The following SMURF2 variants were observed in gnomAD, a reference collection of about 807,000 sequenced individuals.
SMURF2 encodes SMAD specific E3 ubiquitin protein ligase 2.
In SMURF2, 48 loss-of-function variants were observed where a neutral mutation model predicts 109.6. The ratio of observed to expected loss-of-function variants is 0.44; its 90% CI spans 0.35 to 0.56. SMURF2 has a LOEUF of 0.56. SMURF2 is among the 20% of genes least tolerant of loss of function. The probability of loss-of-function intolerance (pLI) is 0.01; values close to 1 mark genes in which losing one functional copy is unlikely to be tolerated. For synonymous variants in SMURF2, 288 were observed against 317.1 expected, an observed-to-expected ratio of 0.91 and a Z score of 0.97; for missense variants, 575 against 909.0, an observed-to-expected ratio of 0.63 and a Z score of 4.72.
chr17:64,546,210 GAACT>G, intron 18 of SMURF2, 49 bp downstream of exon 18: 4 of 1,547,626 alleles, frequency 2.6e-6, no homozygotes, highest in South Asian at 2.2e-5. Context: ...AATCTGTTTG[GAACT>G]AACACTTATG....
chr17:64,563,048 A>G, intron 10 of SMURF2, 82 bp from the exon 11 acceptor site: 1 of 1,214,606 alleles, frequency 8.2e-7, no homozygotes, highest in Non-Finnish European at 1.1e-6. Flanking sequence ...GCATCATATT[A>G]TAAAGCAAGT....
At chr17:64,643,801 G>T (rs1970521637) in intron 1 of SMURF2, among the ~76,000 whole-genome samples, 1 of 152,232 alleles carries the variant, frequency 6.6e-6, no homozygotes, top group South Asian at 2.1e-4. Flanking sequence ...AGAATTCTCA[G>T]AGGAGATGAT....
At chr17:64,626,943 A>C (rs1014310039) in intron 1 of SMURF2, among the ~76,000 whole-genome samples, 1 of 151,356 alleles carries the variant, frequency 6.6e-6, no homozygotes, top group Non-Finnish European at 1.5e-5. Flanking sequence ...AAAAAAAAAA[A>C]ACAAACAAAA....
intron 1 of SMURF2, among the ~76,000 whole-genome samples, chr17:64,622,299 T>C (rs936761638): frequency 6.6e-6 from 1 of 152,044 alleles, no homozygotes; most frequent in East Asian, 1.9e-4. Context: ...ATCATGAACA[T>C]CTAACATTAA....
At chr17:64,559,053 A>C (rs543038879) in intron 12 of SMURF2, among the ~76,000 whole-genome samples, 1 of 152,342 alleles carries the variant, frequency 6.6e-6, no homozygotes, top group African/African-American at 2.4e-5. Flanking sequence ...TAAAAAAAGA[A>C]GTAACGTCTC....
intron 1 of SMURF2, among the ~76,000 whole-genome samples, chr17:64,650,102 G>A (rs147299645): frequency 4.0e-5 from 6 of 151,642 alleles, no homozygotes; most frequent in African/African-American, 7.3e-5. Flanking sequence ...AACAAAATCC[G>A]TGGTCAAAAA....
chr17:64,639,641 TGTG>T (rs1334996086), intron 1 of SMURF2, among the ~76,000 whole-genome samples: 3 of 152,148 alleles, frequency 2.0e-5, no homozygotes, highest in South Asian at 2.1e-4. Context: ...TATCATAAGA[TGTG>T]GTGTCTAATA....
chr17:64,565,587 T>A (rs1460670818), intron 10 of SMURF2, among the ~76,000 whole-genome samples: 5 of 151,346 alleles, frequency 3.3e-5, no homozygotes, highest in Admixed American at 1.3e-4. Context: ...AAGTAATTAG[T>A]GTTACTGGAA....
At chr17:64,605,552 G>A (rs985637186) in intron 2 of SMURF2, among the ~76,000 whole-genome samples, 3 of 151,186 alleles carry the variant, frequency 2.0e-5, no homozygotes, top group Non-Finnish European at 4.4e-5. Flanking sequence ...GCAAGATCCT[G>A]CCTCTACAAA....
intron 1 of SMURF2, among the ~76,000 whole-genome samples, chr17:64,639,959 A>G (rs1466408869): frequency 6.6e-6 from 1 of 152,248 alleles, no homozygotes; most frequent in East Asian, 1.9e-4. Context: ...AAGTGTACCA[A>G]TATTGGTTCA....
intron 1 of SMURF2, among the ~76,000 whole-genome samples, 199 bp from the exon 2 acceptor site, chr17:64,606,839 T>C (rs960487448): frequency 6.6e-6 from 1 of 152,084 alleles, no homozygotes; most frequent in African/African-American, 2.4e-5. Flanking sequence ...TCACCAGTAA[T>C]AGCTGAGGGC....
In SMURF2 at chr17:64,548,735, G is replaced by A. The variant is rs150645788; in HGVS notation, c.1870-934C>T. 5.5e-4 allele frequency among the ~76,000 whole-genome samples: 84 copies of A among 152,254 alleles called. 1 individual carries two copies. The East Asian group carries it at 0.011, about 20-fold the overall frequency. ...ATTGATATTAAAGCACAAAATACAT[G>A]AGCACATTGATACAGACCTCTGCTA... On this transcript the variant is annotated intron_variant, in intron 16 of 18. Transcript: ENST00000262435.
intron 4 of SMURF2, 156 bp downstream of exon 4, chr17:64,593,283 GT>G (rs1555687825): frequency 2.1e-6 from 1 of 466,280 alleles, no homozygotes; most frequent in Non-Finnish European, 3.1e-6. Flanking sequence ...AAGAAGTTGT[GT>G]TTGAAGCCCT....
intron 1 of SMURF2, among the ~76,000 whole-genome samples, chr17:64,619,736 T>C (rs1207803484): frequency 6.6e-6 from 1 of 152,032 alleles, no homozygotes; most frequent in Non-Finnish European, 1.5e-5. Context: ...TCTCCTGTTA[T>C]AGGGGCACTA....
chr17:64,662,031 G>T lies in SMURF2; in HGVS notation c.-151C>A. On this transcript the variant is annotated 5_prime_UTR_variant, in exon 1 of 19. Transcript: ENST00000262435. Reference sequence around the variant, plus strand: ...GGTCCCGGATGTGCCGAGAGTCGTCGCCATGAGCCGCGGAGGGAGCGGGAC... The same window carrying T: ...GGTCCCGGATGTGCCGAGAGTCGTCTCCATGAGCCGCGGAGGGAGCGGGAC... The T allele has an allele frequency of 1.8e-6, 2 of 1,115,334 alleles. No individual in the cohort carries two copies. Among genetic ancestry groups the T allele is most frequent in the Non-Finnish European group, 2.2e-6 (2 of 913,644 alleles). The allele number at this position is 1,115,334 out of a possible 1,614,324, so 69.1% of individuals were successfully genotyped here.
chr17:64,624,801 G>T (rs538423268), intron 1 of SMURF2, among the ~76,000 whole-genome samples: 4 of 152,040 alleles, frequency 2.6e-5, no homozygotes, highest in Non-Finnish European at 5.9e-5. Context: ...ACTCCAGCCT[G>T]GGCAACAGAG....
chr17:64,609,735 A>C (rs1970018146), intron 1 of SMURF2, among the ~76,000 whole-genome samples: 1 of 151,998 alleles, frequency 6.6e-6, no homozygotes, highest in Non-Finnish European at 1.5e-5. Context: ...TGACTAAAAC[A>C]CCAAACGCAA....
At chr17:64,648,085 A>AAAAC (rs1568210023) in intron 1 of SMURF2, among the ~76,000 whole-genome samples, 16 of 138,970 alleles carry the variant, frequency 1.2e-4, no homozygotes, top group East Asian at 2.1e-4. Context: ...AAAAAAAAAA[A>AAAAC]AAAAAAACAG....
At chr17:64,653,727 T>A (rs756953687) in intron 1 of SMURF2, among the ~76,000 whole-genome samples, 1 of 152,102 alleles carries the variant, frequency 6.6e-6, no homozygotes, top group Non-Finnish European at 1.5e-5. Context: ...ATGCATACTT[T>A]CTGTATGATG....
Sources: allele counts gnomAD v4.1 joint callset (sites outside exome capture counted in the v4.1 genomes callset), GRCh38; gene constraint gnomAD v4.1.1; transcripts MANE v1.5; gene names NCBI Gene and HGNC (gene_info 2026-07-23, HGNC 2026-07-21).